ADAMTS3: variants seen among roughly 807,000 people sequenced by gnomAD.
The protein encoded by ADAMTS3 is ADAM metallopeptidase with thrombospondin type 1 motif 3.
Under a neutral mutation model 129.0 loss-of-function variants are expected in ADAMTS3, and 73 were observed. That is an observed-to-expected ratio of 0.57 (90% CI 0.47 to 0.69). The LOEUF (loss-of-function observed/expected upper bound fraction) is 0.69. Ranked by LOEUF, ADAMTS3 falls within the 30% of genes least tolerant of loss-of-function variation. ADAMTS3 has a pLI of 0.00. For missense variants in ADAMTS3, 1,457 were observed against 1,514.5 expected (o/e 0.96, Z 0.63); for synonymous variants, 477 against 510.8 (o/e 0.93, Z 0.89).
chr4:72,469,566 C>T (rs1417312558), intron 3 of ADAMTS3, among the ~76,000 whole-genome samples: 2 of 152,224 alleles, frequency 1.3e-5, no homozygotes, highest in Non-Finnish European at 2.9e-5. Flanking sequence ...CTCACCTCTC[C>T]GTGATCAGCA....
intron 4 of ADAMTS3, among the ~76,000 whole-genome samples, chr4:72,360,607 T>C (rs1316173389): frequency 6.6e-6 from 1 of 152,078 alleles, no homozygotes; most frequent in Non-Finnish European, 1.5e-5. Context: ...GTGATTTCTG[T>C]GTTATGGAAA....
rs146498361 is a variant in ADAMTS3 at position 72,551,056 on chromosome 4, C to T, written c.98-2172G>A. Among the ~76,000 whole-genome samples the T allele has an allele frequency of 4.8e-3, 725 of 152,276 alleles. 1 individual carries two copies. The highest frequency in any genetic ancestry group is 0.017 in the African/African-American group (700 of 41,562). ...CTGCTACACACACTGACTTACAAGA[C>T]ACATTACCCAGGCCCATGAGTGTCT... On this transcript the variant is annotated intron_variant, in intron 2 of 21. Transcript: ENST00000286657.
chr4:72,327,456 T>C (rs1719727205), intron 5 of ADAMTS3, among the ~76,000 whole-genome samples: 1 of 152,198 alleles, frequency 6.6e-6, no homozygotes, highest in Non-Finnish European at 1.5e-5. Context: ...TTAAACACTT[T>C]ACCTATATTG....
chr4:72,342,604 C>T (rs1162956091), intron 4 of ADAMTS3, among the ~76,000 whole-genome samples: 1 of 152,090 alleles, frequency 6.6e-6, no homozygotes, highest in Non-Finnish European at 1.5e-5. Context: ...AACTCCTGAC[C>T]TCAGCGATCT....
At chr4:72,535,416 C>G (rs2109770383) in intron 3 of ADAMTS3, among the ~76,000 whole-genome samples, 1 of 152,232 alleles carries the variant, frequency 6.6e-6, no homozygotes, top group African/African-American at 2.4e-5. Context: ...GACTGGATCC[C>G]ATTAGGTTAA....
chr4:72,296,695 T>C (rs1164529751), intron 18 of ADAMTS3, among the ~76,000 whole-genome samples: 1 of 152,042 alleles, frequency 6.6e-6, no homozygotes, highest in Non-Finnish European at 1.5e-5. Flanking sequence ...GTACATTCTC[T>C]TATATAACTA....
At chr4:72,518,533 C>T (rs1358906385) in intron 3 of ADAMTS3, among the ~76,000 whole-genome samples, 1 of 151,960 alleles carries the variant, frequency 6.6e-6, no homozygotes, top group Non-Finnish European at 1.5e-5. Flanking sequence ...GTATTGGGTG[C>T]ATATATATTT....
At chr4:72,510,819 C>CAAAAAAAA (rs869030257) in intron 3 of ADAMTS3, among the ~76,000 whole-genome samples, 2 of 63,646 alleles carry the variant, frequency 3.1e-5, no homozygotes, top group Non-Finnish European at 5.8e-5. Context: ...ATCCTTAAGC[C>CAAAAAAAA]AAAAAAAAAA....
chr4:72,402,527 G>T (rs1721949432), intron 4 of ADAMTS3, among the ~76,000 whole-genome samples: 1 of 151,974 alleles, frequency 6.6e-6, no homozygotes, highest in Admixed American at 6.6e-5. Flanking sequence ...TCTAATAAGT[G>T]CTTTAGTTTT....
intron 10 of ADAMTS3, among the ~76,000 whole-genome samples, chr4:72,316,408 G>C (rs1377041895): frequency 2.6e-5 from 4 of 152,072 alleles, no homozygotes; most frequent in Non-Finnish European, 5.9e-5. Context: ...TAAAAGGGCT[G>C]GGCACAGTGG....
chr4:72,398,142 G>A (rs1026382777), intron 4 of ADAMTS3, among the ~76,000 whole-genome samples: 15 of 152,182 alleles, frequency 9.9e-5, no homozygotes, highest in Non-Finnish European at 2.1e-4. Flanking sequence ...TTAGGTCTCT[G>A]CGGAAAACTA....
chr4:72,466,770 C>T (rs1450430588), intron 3 of ADAMTS3, among the ~76,000 whole-genome samples: 2 of 151,934 alleles, frequency 1.3e-5, no homozygotes, highest in East Asian at 3.9e-4. Context: ...CATTTATACT[C>T]ATCGCTTCAA....
At chr4:72,389,161 T>C (rs955924717) in intron 4 of ADAMTS3, among the ~76,000 whole-genome samples, 2 of 152,174 alleles carry the variant, frequency 1.3e-5, no homozygotes, top group African/African-American at 4.8e-5. Context: ...CAGTTTTTAA[T>C]ATGCCAGCCA....
chr4:72,547,447 T>C (rs886513300), intron 3 of ADAMTS3, among the ~76,000 whole-genome samples: 2 of 152,196 alleles, frequency 1.3e-5, no homozygotes, highest in Non-Finnish European at 2.9e-5. Flanking sequence ...GCTACATACG[T>C]CACTCAAGGC....
In ADAMTS3 at chr4:72,283,251, G is replaced by C. The variant is rs1389779113; in HGVS notation, c.3503C>G (p.Ser1168Cys). ...LSSASQMAAA[S>C]FFAASDSIGA... ...TATTGAATCACTGGCTGCAAAGAAG[G>C]AAGCAGCAGCCATTTGTGAAGCTGA... The change falls in exon 22 of 22, where the codon TCC becomes TGC. Residue 1168 changes from serine to cysteine, a missense_variant. Transcript: ENST00000286657. 2 of 1,613,938 alleles carry C rather than the reference G, an allele frequency of 1.2e-6. No homozygotes were observed. Among genetic ancestry groups the C allele is most frequent in the Non-Finnish European group, 1.7e-6 (2 of 1,179,960 alleles).
chr4:72,508,041 A>G (rs1720209440), intron 3 of ADAMTS3, among the ~76,000 whole-genome samples: 1 of 152,196 alleles, frequency 6.6e-6, no homozygotes, highest in Non-Finnish European at 1.5e-5. Context: ...GTGCAAAATT[A>G]TCATTCACCA....
At chr4:72,416,280 C>T (rs970199811) in intron 3 of ADAMTS3, among the ~76,000 whole-genome samples, 1 of 151,328 alleles carries the variant, frequency 6.6e-6, no homozygotes, top group Non-Finnish European at 1.5e-5. Flanking sequence ...CTGTCCTTTT[C>T]CTTTCTGTTC....
chr4:72,366,774 CT>C (rs1220915576), intron 4 of ADAMTS3, among the ~76,000 whole-genome samples: 118 of 138,974 alleles, frequency 8.5e-4, no homozygotes, highest in East Asian at 2.7e-3. Context: ...GTGTCCCAAG[CT>C]TTTTTTTTTT....
At chr4:72,303,028 C>T (rs1718991201) in intron 17 of ADAMTS3, among the ~76,000 whole-genome samples, 1 of 152,110 alleles carries the variant, frequency 6.6e-6, no homozygotes, top group Admixed American at 6.6e-5. Flanking sequence ...CATTCAGGGA[C>T]TGCTTGCTTT....
Sources: allele counts gnomAD v4.1 joint callset (sites outside exome capture counted in the v4.1 genomes callset), GRCh38; gene constraint gnomAD v4.1.1; transcripts MANE v1.5; gene names NCBI Gene and HGNC (gene_info 2026-07-23, HGNC 2026-07-21).